The following DGKB variants were observed in gnomAD, a reference collection of about 807,000 sequenced individuals.
DGKB encodes diacylglycerol kinase beta.
Under a neutral mutation model 114.3 loss-of-function variants are expected in DGKB, and 67 were observed. That is an observed-to-expected ratio of 0.59 (90% CI 0.48 to 0.72). The LOEUF is 0.72. Among genes scored for constraint, DGKB ranks in the 30% least tolerant of loss-of-function variants. The pLI is 0.00. For synonymous variants in DGKB, 398 were observed against 323.1 expected (o/e 1.23, Z -2.49); for missense variants, 907 against 975.2 (o/e 0.93, Z 0.93).
chr7:14,823,397 A>G (rs2191482), intron 2 of DGKB, among the ~76,000 whole-genome samples: 67,107 of 151,846 alleles, frequency 0.44, 15,257 homozygotes, highest in Non-Finnish European at 0.49. Flanking sequence ...TCTGTTAGAA[A>G]TTAGCCTTTG....
At chr7:14,675,384 T>G (rs1466703476) in intron 12 of DGKB, among the ~76,000 whole-genome samples, 1 of 151,962 alleles carries the variant, frequency 6.6e-6, no homozygotes, top group Non-Finnish European at 1.5e-5. Flanking sequence ...GTTACTGATG[T>G]AAGAAAGGAT....
At chr7:14,399,410 G>A (rs1252399957) in intron 21 of DGKB, among the ~76,000 whole-genome samples, 1 of 151,528 alleles carries the variant, frequency 6.6e-6, no homozygotes, top group Non-Finnish European at 1.5e-5. Flanking sequence ...CTAAATATTA[G>A]TGAGACAGAA....
chr7:14,937,498 A>G (rs1301407261), intron 1 of DGKB, among the ~76,000 whole-genome samples: 1 of 152,158 alleles, frequency 6.6e-6, no homozygotes, highest in African/African-American at 2.4e-5. Context: ...GTCTGTGTGT[A>G]TATGTATAAT....
intron 20 of DGKB, among the ~76,000 whole-genome samples, chr7:14,478,643 C>G (rs1392601794): frequency 2.6e-5 from 4 of 151,918 alleles, no homozygotes; most frequent in African/African-American, 9.7e-5. Flanking sequence ...ACAGAGGCTC[C>G]TAATTATTTG....
chr7:14,310,898 G>A (rs763487966), intron 23 of DGKB, among the ~76,000 whole-genome samples: 1 of 152,170 alleles, frequency 6.6e-6, no homozygotes, highest in Non-Finnish European at 1.5e-5. Flanking sequence ...TTTGGGGAAG[G>A]TGGGAGGATG....
intron 2 of DGKB, 55 bp downstream of exon 2, chr7:14,841,139 T>A: frequency 7.1e-7 from 1 of 1,417,818 alleles, no homozygotes; most frequent in Non-Finnish European, 9.8e-7. Context: ...AAATAAATGA[T>A]ACTTTGTCTA....
At chr7:14,320,162 C>T (rs4719398) in intron 23 of DGKB, among the ~76,000 whole-genome samples, 133,753 of 152,158 alleles carry the variant, frequency 0.88, 59,098 homozygotes, top group African/African-American at 0.97. Flanking sequence ...GAGGGGGAGG[C>T]GGGGGTCCAG....
At chr7:14,661,702 C>T (rs551014270) in intron 13 of DGKB, among the ~76,000 whole-genome samples, 1,920 of 150,320 alleles carry the variant, frequency 0.013, 17 homozygotes, top group Middle Eastern at 0.035. Flanking sequence ...ATCCCATTAC[C>T]GGGTATATAC....
intron 3 of DGKB, among the ~76,000 whole-genome samples, chr7:14,757,078 T>C (rs755152908): frequency 1.4e-4 from 22 of 151,940 alleles, no homozygotes; most frequent in Non-Finnish European, 2.8e-4. Flanking sequence ...AAAGGTAAAA[T>C]AGAAGATTAA....
At chr7:14,567,766 C>A (rs1797804259) in intron 20 of DGKB, among the ~76,000 whole-genome samples, 2 of 150,502 alleles carry the variant, frequency 1.3e-5, no homozygotes, top group South Asian at 2.1e-4. Flanking sequence ...GCCTCCATGC[C>A]CAGCTAATTT....
At chr7:14,218,374 T>C (rs1316867427) in intron 23 of DGKB, among the ~76,000 whole-genome samples, 2 of 152,136 alleles carry the variant, frequency 1.3e-5, no homozygotes, top group East Asian at 3.9e-4. Flanking sequence ...TATTTGTCTC[T>C]ACACTGAAAC....
rs559354903 is a variant in DGKB, at chr7:14,834,073, G to T, written c.70+7121C>A. ...CTGTGGCACTTCCTATAATAATGTG[G>T]AAAGTGGTAACTAAGGAAACTTGGA... is the stretch of plus-strand genomic sequence containing the variant. On this transcript the variant is annotated intron_variant, in intron 2 of 25. Transcript: ENST00000402815. 6.8e-4 allele frequency among the ~76,000 whole-genome samples: 103 copies of T among 152,200 alleles called. 1 individual carries two copies. The highest frequency in any genetic ancestry group is 2.6e-4 in the Admixed American group (4 of 15,286).
chr7:14,922,471 T>A (rs900693535), intron 1 of DGKB, among the ~76,000 whole-genome samples: 1 of 151,824 alleles, frequency 6.6e-6, no homozygotes, highest in Non-Finnish European at 1.5e-5. Flanking sequence ...ATTGTCATAC[T>A]ACATTGCTTT....
At chr7:14,265,387 T>G (rs1797359880) in intron 23 of DGKB, among the ~76,000 whole-genome samples, 1 of 136,274 alleles carries the variant, frequency 7.3e-6, no homozygotes, top group Non-Finnish European at 1.5e-5. Context: ...TAACTAGCCA[T>G]GCTTTTCTGC....
rs117579977 is a variant in DGKB, at chr7:14,856,116, C to T, written c.-187-14666G>A. Among the ~76,000 whole-genome samples, 1,247 of 151,934 alleles carry T rather than the reference C, an allele frequency of 8.2e-3. 12 individuals are homozygous for T. The highest frequency in any genetic ancestry group is 0.024 in the East Asian group (126 of 5,168). ...GACAGATAAAATCAGATCTAAAAGT[C>T]AGATATAAGTCTAATGGCATTAAGA... On this transcript the variant is annotated intron_variant, in intron 1 of 25. Transcript: ENST00000402815.
At chr7:14,739,002 T>C (rs1362327863) in intron 4 of DGKB, among the ~76,000 whole-genome samples, 2 of 152,246 alleles carry the variant, frequency 1.3e-5, no homozygotes, top group African/African-American at 4.8e-5. Context: ...AAAGAATTTA[T>C]CTGCTCTTTT....
intron 23 of DGKB, among the ~76,000 whole-genome samples, chr7:14,231,390 G>A (rs1204159987): frequency 6.6e-6 from 1 of 151,710 alleles, no homozygotes; most frequent in Admixed American, 6.6e-5. Flanking sequence ...CACCTGCCTT[G>A]GCCTCCCCCA....
chr7:14,739,205 A>G lies in DGKB; in HGVS notation c.169-3011T>C, dbSNP rs142416004. Among the ~76,000 whole-genome samples the G allele has an allele frequency of 2.8e-3, 426 of 152,344 alleles. 1 individual carries two copies. The highest frequency in any genetic ancestry group is 9.5e-3 in the African/African-American group (397 of 41,580). ...GACAAATGTCTAGGCAGGTAAGGGA[A>G]GGTCCCCGGAGAACCTCCAACCTGC... On this transcript the variant is annotated intron_variant, in intron 4 of 25. Coordinates refer to ENST00000402815, the MANE Select transcript of DGKB (RefSeq NM_001350709.2).
intron 3 of DGKB, among the ~76,000 whole-genome samples, chr7:14,755,457 T>C (rs1235615782): frequency 6.6e-6 from 1 of 152,166 alleles, no homozygotes; most frequent in Non-Finnish European, 1.5e-5. Context: ...TAGAAAACGA[T>C]GAATTAATTA....
Sources: gnomAD v4.1 joint callset for allele counts (sites outside exome capture counted in the v4.1 genomes callset) on GRCh38, gnomAD v4.1.1 for gene constraint, MANE v1.5 for transcripts, NCBI Gene and HGNC (gene_info 2026-07-23, HGNC 2026-07-21) for gene names.